PLCB4: variants seen among roughly 807,000 people sequenced by gnomAD.
The protein encoded by PLCB4 is phospholipase C beta 4, also known as 1-phosphatidylinositol 4,5-bisphosphate phosphodiesterase beta-4.
A neutral mutation model predicts 178.8 loss-of-function variants in PLCB4; 77 were observed. That is an observed-to-expected ratio of 0.43 (90% CI 0.36 to 0.52). The LOEUF (loss-of-function observed/expected upper bound fraction) is 0.52. PLCB4 is among the 20% of genes least tolerant of loss of function. The pLI, the probability that PLCB4 is intolerant of heterozygous loss-of-function variation, is 0.00. For synonymous variants in PLCB4, 496 were observed against 490.8 expected, an observed-to-expected ratio of 1.01 and a Z score of -0.14; for missense variants, 1,024 against 1,453.4, an observed-to-expected ratio of 0.70 and a Z score of 4.80.
chr20:9,168,666 G>T (rs570051150), intron 2 of PLCB4, among the ~76,000 whole-genome samples: 1 of 152,276 alleles, frequency 6.6e-6, no homozygotes, highest in Admixed American at 6.5e-5. Flanking sequence ...CCAAATAACT[G>T]CTCAGGTCAT....
chr20:9,212,093 AAATGATATATTAGCC>A (rs1204472489), intron 2 of PLCB4, among the ~76,000 whole-genome samples: 1 of 152,196 alleles, frequency 6.6e-6, no homozygotes, highest in Non-Finnish European at 1.5e-5. Flanking sequence ...TAGTTTTGCC[AAATGATATATTAGCC>A]AATGCGATAC....
chr20:9,156,088 TATG>T (rs2092783125), intron 2 of PLCB4, among the ~76,000 whole-genome samples: 1 of 152,138 alleles, frequency 6.6e-6, no homozygotes, highest in African/African-American at 2.4e-5. Flanking sequence ...CTTAAAAAAT[TATG>T]ATGGTCACTA....
At chr20:9,449,026 A>G (rs1465107032) in intron 32 of PLCB4, among the ~76,000 whole-genome samples, 3 of 152,174 alleles carry the variant, frequency 2.0e-5, no homozygotes, top group East Asian at 1.9e-4. Flanking sequence ...GAAAATGGCA[A>G]TGATCAACTG....
At chr20:9,363,678 T>A (rs1350651552) in intron 8 of PLCB4, among the ~76,000 whole-genome samples, 1 of 152,164 alleles carries the variant, frequency 6.6e-6, no homozygotes, top group African/African-American at 2.4e-5. Flanking sequence ...CTAGCCAAAG[T>A]CAAATGTCAG....
chr20:9,210,077 T>C (rs1011210818), intron 2 of PLCB4, among the ~76,000 whole-genome samples: 1 of 152,086 alleles, frequency 6.6e-6, no homozygotes, highest in African/African-American at 2.4e-5. Context: ...GTCACTACGT[T>C]TGTGGCAATT....
chr20:9,293,390 G>A lies in PLCB4; in HGVS notation c.-15-14410G>A, dbSNP rs538431670. Among the ~76,000 whole-genome samples the A allele has an allele frequency of 3.4e-5, 5 of 147,510 alleles. No individual in the cohort carries two copies. The South Asian group carries it at 1.1e-3, about 32-fold the overall frequency. On this transcript the variant is annotated intron_variant, in intron 3 of 39. Transcript: ENST00000378473. The stretch of plus-strand genomic sequence containing the variant: ...AGGAAGGAAGGAAAGGGAAGGAAAG[G>A]GAAGGAAAGGAAAGGGAAGGGAAGG...
chr20:9,292,242 A>G (rs774548150), intron 3 of PLCB4, among the ~76,000 whole-genome samples: 10 of 152,202 alleles, frequency 6.6e-5, no homozygotes, highest in Non-Finnish European at 1.5e-4. Flanking sequence ...GAAATAGTCC[A>G]ATAATAAGGC....
intron 3 of PLCB4, among the ~76,000 whole-genome samples, chr20:9,281,245 A>C (rs2094492525): frequency 6.6e-6 from 1 of 152,016 alleles, no homozygotes; most frequent in Non-Finnish European, 1.5e-5. Context: ...CAAAACAGAC[A>C]CAATAATAGG....
chr20:9,142,657 T>A (rs2092516666), intron 2 of PLCB4, among the ~76,000 whole-genome samples: 1 of 152,184 alleles, frequency 6.6e-6, no homozygotes, highest in Non-Finnish European at 1.5e-5. Flanking sequence ...TTTGTATTGC[T>A]GGTATCACTA....
At chr20:9,072,120 C>T (rs1373868164) in intron 1 of PLCB4, among the ~76,000 whole-genome samples, 2 of 152,130 alleles carry the variant, frequency 1.3e-5, no homozygotes, top group Non-Finnish European at 2.9e-5. Flanking sequence ...GACTTATCTG[C>T]CTGTTGGGAA....
intron 3 of PLCB4, among the ~76,000 whole-genome samples, chr20:9,265,624 G>T (rs2094342018): frequency 6.6e-6 from 1 of 152,092 alleles, no homozygotes; most frequent in Admixed American, 6.6e-5. Context: ...TGTGGCCCTG[G>T]GTATGACACT....
chr20:9,435,463 A>G (rs1419169879), intron 28 of PLCB4, 97 bp from the exon 29 acceptor site: 7 of 714,706 alleles, frequency 9.8e-6, no homozygotes, highest in Non-Finnish European at 1.7e-5. Flanking sequence ...AGAAAGCACA[A>G]CAGGTATCCA....
chr20:9,307,116 C>T (rs1182825473), intron 3 of PLCB4, among the ~76,000 whole-genome samples: 1 of 152,154 alleles, frequency 6.6e-6, no homozygotes, highest in Non-Finnish European at 1.5e-5. Context: ...CCAGACTCCT[C>T]TCTGCTACAA....
intron 2 of PLCB4, among the ~76,000 whole-genome samples, chr20:9,118,553 C>G (rs1365922396): frequency 6.6e-6 from 1 of 151,888 alleles, no homozygotes; most frequent in Non-Finnish European, 1.5e-5. Flanking sequence ...TCTTCAAGAT[C>G]TGGTGTGTAA....
intron 1 of PLCB4, among the ~76,000 whole-genome samples, chr20:9,070,313 G>A (rs2146453690): frequency 6.6e-6 from 1 of 152,278 alleles, no homozygotes; most frequent in East Asian, 1.9e-4. Context: ...TTGTGTGTGT[G>A]TTGCGGGGGA....
At chr20:9,310,765 G>T (rs2094824241) in intron 4 of PLCB4, among the ~76,000 whole-genome samples, 1 of 152,020 alleles carries the variant, frequency 6.6e-6, no homozygotes, top group Non-Finnish European at 1.5e-5. Flanking sequence ...GCAGTCAGTA[G>T]GTGGGGGAAA....
intron 3 of PLCB4, among the ~76,000 whole-genome samples, chr20:9,304,271 T>G (rs2094739350): frequency 6.6e-6 from 1 of 152,002 alleles, no homozygotes; most frequent in Non-Finnish European, 1.5e-5. Flanking sequence ...TCCATGTATA[T>G]AGATGTTGTA....
intron 2 of PLCB4, among the ~76,000 whole-genome samples, chr20:9,124,017 T>C (rs534532493): frequency 4.6e-5 from 7 of 152,274 alleles, no homozygotes; most frequent in Admixed American, 4.6e-4. Context: ...TTATGTATGC[T>C]GAATTTTGAA....
chr20:9,188,416 G>A (rs1459857988), intron 2 of PLCB4, among the ~76,000 whole-genome samples: 1 of 152,204 alleles, frequency 6.6e-6, no homozygotes, highest in Non-Finnish European at 1.5e-5. Flanking sequence ...AGTAGGACTG[G>A]TTGATTCAGA....
Sources: gnomAD v4.1 joint callset for allele counts (sites outside exome capture counted in the v4.1 genomes callset) on GRCh38, gnomAD v4.1.1 for gene constraint, MANE v1.5 for transcripts, NCBI Gene and HGNC (gene_info 2026-07-23, HGNC 2026-07-21) for gene names.